HELLS: variants seen among roughly 807,000 people sequenced by gnomAD.
HELLS encodes the protein lymphoid-specific helicase.
A neutral mutation model predicts 120.0 loss-of-function variants in HELLS; 32 were observed. The ratio of observed to expected loss-of-function variants is 0.27; its 90% CI spans 0.20 to 0.36. HELLS has a LOEUF of 0.36. Among genes scored for constraint, HELLS ranks in the 10% least tolerant of loss-of-function variants. The pLI is 1.00. For missense variants in HELLS, 650 were observed against 993.4 expected (o/e 0.65, Z 4.65); for synonymous variants, 341 against 323.4 (o/e 1.05, Z -0.58).
chr10:94,564,760 C>T (rs1196936282), intron 6 of HELLS, among the ~76,000 whole-genome samples: 1 of 151,938 alleles, frequency 6.6e-6, no homozygotes, highest in Non-Finnish European at 1.5e-5. Context: ...ATTACAGGTA[C>T]CTATTTGTAT....
intron 6 of HELLS, among the ~76,000 whole-genome samples, chr10:94,565,704 C>G (rs1385964556): frequency 6.6e-6 from 1 of 152,058 alleles, no homozygotes; most frequent in East Asian, 1.9e-4. Context: ...AAAGAAAAAC[C>G]ACTTTTAATA....
At chr10:94,563,015 G>T (rs1191344155) in intron 6 of HELLS, 139 bp downstream of exon 6, 1 of 606,752 alleles carries the variant, frequency 1.6e-6, no homozygotes, top group Non-Finnish European at 2.9e-6. Context: ...ATCATTTATA[G>T]GTGAAGCTGC....
intron 11 of HELLS, among the ~76,000 whole-genome samples, chr10:94,582,268 G>C (rs1249207968): frequency 3.3e-5 from 5 of 152,108 alleles, no homozygotes; most frequent in Non-Finnish European, 7.4e-5. Flanking sequence ...GTGACTCTGG[G>C]CGCTTTTATT....
At chr10:94,585,388 T>G (rs1358956104) in intron 12 of HELLS, among the ~76,000 whole-genome samples, 9 of 47,436 alleles carry the variant, frequency 1.9e-4, no homozygotes, top group African/African-American at 4.7e-4. Flanking sequence ...TGTTTTTGTT[T>G]TTTTTTTTGT....
intron 21 of HELLS, among the ~76,000 whole-genome samples, chr10:94,599,179 G>A (rs986028095): frequency 5.3e-5 from 8 of 152,188 alleles, no homozygotes; most frequent in Admixed American, 4.6e-4. Context: ...GGAGAAATAT[G>A]AGACATACAG....
intron 4 of HELLS, among the ~76,000 whole-genome samples, chr10:94,560,920 A>G (rs1589712699): frequency 6.6e-6 from 1 of 151,690 alleles, no homozygotes. Flanking sequence ...GCCAGGCATG[A>G]TGGCGGGTAC....
chr10:94,583,266 A>G (rs1411529927), intron 12 of HELLS, among the ~76,000 whole-genome samples: 1 of 152,124 alleles, frequency 6.6e-6, no homozygotes, highest in Non-Finnish European at 1.5e-5. Context: ...TGTCCTTTTC[A>G]GATAGTATAC....
At chr10:94,562,638 T>A in intron 4 of HELLS, 53 bp from the exon 5 acceptor site, 3 of 1,261,206 alleles carry the variant, frequency 2.4e-6, no homozygotes, top group Non-Finnish European at 3.4e-6. Context: ...TTTTAACGTA[T>A]AATACTATGA....
intron 13 of HELLS, among the ~76,000 whole-genome samples, chr10:94,589,113 A>G (rs1467710662): frequency 6.6e-6 from 1 of 152,110 alleles, no homozygotes; most frequent in Non-Finnish European, 1.5e-5. Context: ...GTGCCTTTGC[A>G]CTCCAGCCTG....
At chr10:94,587,030 T>C (rs1297394135) in intron 12 of HELLS, among the ~76,000 whole-genome samples, 2 of 152,140 alleles carry the variant, frequency 1.3e-5, no homozygotes, top group East Asian at 1.9e-4. Context: ...GTATTTGTGC[T>C]CTTTTAGTGA....
chr10:94,613,699 T>G (rs1251905902), exon 10 of HELLS: 1 of 152,206 alleles, frequency 6.6e-6, no homozygotes, highest in East Asian at 1.9e-4. Context: ...ATCATTGCTT[T>G]CTTTCTATAT....
chr10:94,558,952 C>T (rs572856647), intron 4 of HELLS, among the ~76,000 whole-genome samples: 14 of 151,960 alleles, frequency 9.2e-5, no homozygotes, highest in Non-Finnish European at 1.6e-4. Flanking sequence ...TACTTTTTTC[C>T]CCCATTTTAC....
rs956744357 is a variant in HELLS, at chr10:94,574,076, T to A, written c.594T>A (p.Phe198Leu). The change falls in exon 8 of 22, where the codon TTT (phenylalanine) becomes TTA (leucine). Residue 198 changes from phenylalanine (F) to leucine (L), a missense_variant. By Grantham distance (22) the Phe-to-Leu change is conservative. Coordinates refer to ENST00000348459, the MANE Select transcript of HELLS (RefSeq NM_018063.5). ...SETVRQNTKF[F>L]FDPVRKCNGQ... ...CGGTTAGGCAGAATACTAAATTCTT[T>A]TTTGACCCAGTCCGGAAGTGTAATG... The A allele has an allele frequency of 6.2e-7, 1 of 1,613,830 alleles. No homozygotes were observed. Among genetic ancestry groups the A allele is most frequent in the Non-Finnish European group, 8.5e-7 (1 of 1,179,852 alleles).
chr10:94,597,312 T>G (rs1260019259), intron 21 of HELLS, among the ~76,000 whole-genome samples: 1 of 152,194 alleles, frequency 6.6e-6, no homozygotes, highest in Non-Finnish European at 1.5e-5. Flanking sequence ...CTTCCATAAT[T>G]CAGATATTTT....
chr10:94,597,985 G>A (rs913922713), intron 21 of HELLS, among the ~76,000 whole-genome samples: 3 of 151,418 alleles, frequency 2.0e-5, no homozygotes, highest in African/African-American at 4.9e-5. Context: ...AGATAGAAGA[G>A]AGCCAGGATA....
At chr10:94,589,432 G>A (rs1845345728) in intron 13 of HELLS, among the ~76,000 whole-genome samples, 1 of 152,148 alleles carries the variant, frequency 6.6e-6, no homozygotes, top group Non-Finnish European at 1.5e-5. Context: ...TACCTGTACA[G>A]TTTCCTTACA....
At chr10:94,598,716 T>C (rs1255484053) in intron 21 of HELLS, among the ~76,000 whole-genome samples, 1 of 152,028 alleles carries the variant, frequency 6.6e-6, no homozygotes, top group African/African-American at 2.4e-5. Flanking sequence ...AAGTTTTAAA[T>C]TTTAATGAAT....
chr10:94,591,026 G>T (rs1303942536), intron 15 of HELLS, among the ~76,000 whole-genome samples: 1 of 152,050 alleles, frequency 6.6e-6, no homozygotes. Flanking sequence ...TAGAGACAGG[G>T]TCTTGCTATG....
Position 94,562,762 on chromosome 10 carries a change from G to T in HELLS, c.370+35G>T, listed in dbSNP as rs967235712. 6.5e-6 allele frequency: 10 copies of T among 1,549,740 alleles called. No individual in the cohort carries two copies. In the South Asian group the frequency reaches 1.1e-4, roughly 17 times the overall value. ...CTTATTCTAGTTTTGAAGAATATGC[G>T]TTTATATTTCTATTTTAATTGCTAT... On this transcript the variant is annotated intron_variant, in intron 5 of 21. Transcript: ENST00000348459.
Sources: gnomAD v4.1 joint callset for allele counts (sites outside exome capture counted in the v4.1 genomes callset) on GRCh38, gnomAD v4.1.1 for gene constraint, MANE v1.5 for transcripts, NCBI Gene and HGNC (gene_info 2026-07-23, HGNC 2026-07-21) for gene names.